The following CDH4 variants were observed in gnomAD, a reference collection of about 807,000 sequenced individuals.
CDH4 encodes cadherin 4.
A neutral mutation model predicts 86.0 loss-of-function variants in CDH4; 33 were observed. That is an observed-to-expected ratio of 0.38 (90% CI 0.29 to 0.51). CDH4 has a LOEUF of 0.51. Among genes scored for constraint, CDH4 ranks in the 20% least tolerant of loss-of-function variants. The pLI, the probability that CDH4 is intolerant of heterozygous loss-of-function variation, is 0.86. For missense variants in CDH4, 1,114 were observed against 1,307.4 expected (o/e 0.85, Z 2.28); for synonymous variants, 555 against 549.4 (o/e 1.01, Z -0.14).
intron 9 of CDH4, among the ~76,000 whole-genome samples, chr20:61,912,458 C>T (rs1385135292): frequency 6.6e-6 from 1 of 152,152 alleles, no homozygotes; most frequent in African/African-American, 2.4e-5. Flanking sequence ...ATAAATTCTT[C>T]ATCATTTTTA....
intron 4 of CDH4, among the ~76,000 whole-genome samples, chr20:61,806,853 T>C (rs1363016218): frequency 6.6e-6 from 1 of 152,134 alleles, no homozygotes; most frequent in Non-Finnish European, 1.5e-5. Context: ...GGGTGGTGTT[T>C]TGTGCCTGTT....
At chr20:61,672,312 C>T (rs1405780098) in intron 2 of CDH4, among the ~76,000 whole-genome samples, 1 of 152,014 alleles carries the variant, frequency 6.6e-6, no homozygotes, top group Non-Finnish European at 1.5e-5. Flanking sequence ...TGTGGATGGA[C>T]AGAATATTCC....
At chr20:61,770,186 A>G (rs1168048623) in intron 3 of CDH4, among the ~76,000 whole-genome samples, 1 of 152,052 alleles carries the variant, frequency 6.6e-6, no homozygotes, top group Non-Finnish European at 1.5e-5. Flanking sequence ...TGAAGTCGAG[A>G]CCCCTGGGTC....
intron 2 of CDH4, among the ~76,000 whole-genome samples, chr20:61,283,705 G>T (rs1165914496): frequency 2.0e-5 from 3 of 152,256 alleles, no homozygotes; most frequent in Non-Finnish European, 4.4e-5. Context: ...GAAAATCTGT[G>T]TAAACCAGAC....
At chr20:61,643,040 C>A (rs1204170142) in intron 2 of CDH4, among the ~76,000 whole-genome samples, 1 of 152,188 alleles carries the variant, frequency 6.6e-6, no homozygotes, top group Non-Finnish European at 1.5e-5. Flanking sequence ...AGTCCATTTT[C>A]AGTTGCTACA....
chr20:61,652,938 A>ATTTTTTTTTTTTTTTTTTTTTT (rs763918382), intron 2 of CDH4, among the ~76,000 whole-genome samples: 7 of 97,412 alleles, frequency 7.2e-5, no homozygotes, highest in African/African-American at 1.0e-4. Flanking sequence ...TTATTTATTT[A>ATTTTTTTTTTTTTTTTTTTTTT]TTTTTTTTTT....
At chr20:61,599,840 C>T (rs2086584497) in intron 2 of CDH4, 1 of 985,428 alleles carries the variant, frequency 1.0e-6, no homozygotes, top group Admixed American at 6.2e-5. Flanking sequence ...GAAGCTGAAG[C>T]CCGCTTCCCT....
intron 2 of CDH4, among the ~76,000 whole-genome samples, chr20:61,426,187 GTTTC>G (rs1568840130): frequency 6.6e-6 from 1 of 152,136 alleles, no homozygotes; most frequent in African/African-American, 2.4e-5. Context: ...TAGTTGTTTT[GTTTC>G]TTTTTCATCT....
At chr20:61,376,406 C>T (rs958093200) in intron 2 of CDH4, among the ~76,000 whole-genome samples, 1 of 151,944 alleles carries the variant, frequency 6.6e-6, no homozygotes. Flanking sequence ...AAGCCAGGCT[C>T]TGGCCAGGCC....
chr20:61,295,522 G>A (rs1276604110), intron 2 of CDH4, among the ~76,000 whole-genome samples: 3 of 152,170 alleles, frequency 2.0e-5, no homozygotes, highest in African/African-American at 4.8e-5. Flanking sequence ...AGCAATGGCC[G>A]CAAACTCCCT....
In CDH4 at chr20:61,773,095, G is replaced by A. The variant is rs1294371012; in HGVS notation, c.489G>A (p.Gly163=). The stretch of plus-strand genomic sequence containing the variant: ...GGCCCCAGCACCAGAACGCCAACGG[G>A]CTGAGGCGGCGCAAACGGGACTGGG... ...LPWPQHQNAN[G]LRRRKRDWVI... is the part of the protein sequence containing the mutation. The change falls in exon 4 of 16, where the codon GGG becomes GGA. Residue 163 remains glycine, a synonymous_variant. Transcript: ENST00000614565. 8 of 1,613,056 alleles carry A rather than the reference G, an allele frequency of 5.0e-6. No individual in the cohort carries two copies. The highest frequency in any genetic ancestry group is 5.9e-6 in the Non-Finnish European group (7 of 1,179,798).
At chr20:61,672,062 T>A (rs367674036) in intron 2 of CDH4, among the ~76,000 whole-genome samples, 15 of 98,824 alleles carry the variant, frequency 1.5e-4, no homozygotes, top group African/African-American at 6.0e-4. Context: ...AATAGATGGA[T>A]GGATGAGTGG....
At chr20:61,440,046 C>G (rs1205595296) in intron 2 of CDH4, among the ~76,000 whole-genome samples, 2 of 152,204 alleles carry the variant, frequency 1.3e-5, no homozygotes, top group African/African-American at 4.8e-5. Context: ...TCCATAAAGC[C>G]TCAGTGCAAT....
At chr20:61,404,181 T>G (rs749088916) in intron 2 of CDH4, among the ~76,000 whole-genome samples, 1 of 151,956 alleles carries the variant, frequency 6.6e-6, no homozygotes, top group Admixed American at 6.6e-5. Context: ...GGGCCAGGAC[T>G]CCCACCACCA....
intron 2 of CDH4, among the ~76,000 whole-genome samples, chr20:61,630,237 T>A (rs920227396): frequency 1.3e-5 from 2 of 152,178 alleles, no homozygotes; most frequent in African/African-American, 4.8e-5. Context: ...GCAGCGCATG[T>A]TGCATCCTCC....
intron 4 of CDH4, among the ~76,000 whole-genome samples, chr20:61,801,972 G>A (rs1007619239): frequency 1.3e-5 from 2 of 152,222 alleles, no homozygotes; most frequent in Non-Finnish European, 1.5e-5. Flanking sequence ...TCTGGCAGCC[G>A]GATTCAGCCA....
At chr20:61,585,175 C>A (rs2086459916) in intron 2 of CDH4, among the ~76,000 whole-genome samples, 1 of 152,232 alleles carries the variant, frequency 6.6e-6, no homozygotes, top group Non-Finnish European at 1.5e-5. Context: ...TGCTCTGAAA[C>A]GTTCCAATAA....
chr20:61,481,328 C>T (rs2085567027), intron 2 of CDH4, among the ~76,000 whole-genome samples: 1 of 152,216 alleles, frequency 6.6e-6, no homozygotes, highest in Non-Finnish European at 1.5e-5. Flanking sequence ...CCTGGTCCCA[C>T]ACATTGGGGA....
chr20:61,677,327 AT>A (rs1300770289), intron 2 of CDH4, among the ~76,000 whole-genome samples: 1 of 152,132 alleles, frequency 6.6e-6, no homozygotes, highest in Non-Finnish European at 1.5e-5. Context: ...GAGCAGCGCC[AT>A]TTGCAGGCAG....
Sources: gnomAD v4.1 joint callset for allele counts (sites outside exome capture counted in the v4.1 genomes callset) on GRCh38, gnomAD v4.1.1 for gene constraint, MANE v1.5 for transcripts, NCBI Gene and HGNC (gene_info 2026-07-23, HGNC 2026-07-21) for gene names.